The following TSC22D1 variants were observed in gnomAD, a reference collection of about 807,000 sequenced individuals.
TSC22D1 encodes TSC22 domain family protein 1.
Under a neutral mutation model 74.2 loss-of-function variants are expected in TSC22D1, and 9 were observed. The observed-to-expected ratio is 0.12, with a 90% CI of 0.07 to 0.21. TSC22D1 has a LOEUF of 0.21. Ranked by LOEUF, TSC22D1 falls within the 10% of genes least tolerant of loss-of-function variation. TSC22D1 has a pLI of 1.00. For missense variants in TSC22D1, 1,427 were observed against 1,304.7 expected (o/e 1.09, Z -1.44); for synonymous variants, 586 against 492.5 (o/e 1.19, Z -2.51).
intron 1 of TSC22D1, among the ~76,000 whole-genome samples, chr13:44,476,826 G>A (rs1457383975): frequency 6.6e-6 from 1 of 151,968 alleles, no homozygotes; most frequent in Non-Finnish European, 1.5e-5. Flanking sequence ...ACAGGTGCAT[G>A]CCACCAATTT....
intron 1 of TSC22D1, among the ~76,000 whole-genome samples, chr13:44,568,404 C>G (rs1883520303): frequency 6.6e-6 from 1 of 151,996 alleles, no homozygotes; most frequent in Non-Finnish European, 1.5e-5. Context: ...ATAGAGAAAA[C>G]TAGGCAAAGA....
intron 1 of TSC22D1, among the ~76,000 whole-genome samples, chr13:44,545,976 CA>C (rs200824826): frequency 1.2e-4 from 16 of 130,402 alleles, no homozygotes; most frequent in Middle Eastern, 4.0e-3. Flanking sequence ...GACTCCGTCT[CA>C]AAAAAAAAAA....
In TSC22D1 at chr13:44,434,551, G is replaced by A; in HGVS notation, c.*75C>T. 6.8e-7 allele frequency: 1 copy of A among 1,477,474 alleles called. No homozygotes were observed. The highest frequency in any genetic ancestry group is 2.6e-5 in the Admixed American group (1 of 39,194). 91.5% of individuals were successfully genotyped at this position (1,477,474 alleles called of 1,614,324 possible). ...AGCAATGAAATGGGTGACTGTGGAGGCAGATTCTCCCTAGCACATCTTCTC... is the reference window on the plus strand; with the variant it reads ...AGCAATGAAATGGGTGACTGTGGAGACAGATTCTCCCTAGCACATCTTCTC... On this transcript the variant is annotated 3_prime_UTR_variant, in exon 3 of 3. Transcript: ENST00000458659.
chr13:44,542,663 T>A (rs1379620187), intron 1 of TSC22D1, among the ~76,000 whole-genome samples: 2 of 152,072 alleles, frequency 1.3e-5, no homozygotes, highest in African/African-American at 4.8e-5. Context: ...ATAAGCAGAT[T>A]TCTCTAAGTA....
intron 1 of TSC22D1, among the ~76,000 whole-genome samples, chr13:44,533,077 T>C (rs1347908419): frequency 3.3e-5 from 5 of 152,112 alleles, no homozygotes; most frequent in Non-Finnish European, 7.4e-5. Context: ...TTATCTTGCA[T>C]GTAAAATAAG....
intron 1 of TSC22D1, chr13:44,539,842 C>A (rs1243066287): frequency 1.6e-6 from 2 of 1,289,438 alleles, no homozygotes; most frequent in Admixed American, 4.6e-5. Context: ...AAAGTGGACC[C>A]CTGACGTCAA....
At chr13:44,536,851 CAG>C (rs1881154184) in intron 1 of TSC22D1, 3 of 969,558 alleles carry the variant, frequency 3.1e-6, no homozygotes, top group Non-Finnish European at 1.2e-6. Context: ...ACATACAAAA[CAG>C]ATCACCTATT....
chr13:44,550,473 T>C (rs1882160642), intron 1 of TSC22D1, among the ~76,000 whole-genome samples: 1 of 151,666 alleles, frequency 6.6e-6, no homozygotes, highest in Admixed American at 6.6e-5. Flanking sequence ...TCCCAGCTAC[T>C]TGAGGGGCTG....
At chr13:44,453,198 A>G (rs1222783151) in intron 1 of TSC22D1, among the ~76,000 whole-genome samples, 7 of 152,194 alleles carry the variant, frequency 4.6e-5, no homozygotes. Flanking sequence ...TCTGTGCCCC[A>G]AACTGTTCTG....
At chr13:44,538,439 T>C in intron 1 of TSC22D1, 1 of 985,420 alleles carries the variant, frequency 1.0e-6, no homozygotes, top group Non-Finnish European at 1.2e-6. Context: ...ACCATTTCAT[T>C]AAGTTTTCTG....
At chr13:44,561,959 TA>T (rs1405180592) in intron 1 of TSC22D1, among the ~76,000 whole-genome samples, 1 of 152,194 alleles carries the variant, frequency 6.6e-6, no homozygotes, top group African/African-American at 2.4e-5. Context: ...TGCACATACT[TA>T]TTAAATAAAT....
chr13:44,533,195 C>T (rs889303101), intron 1 of TSC22D1, among the ~76,000 whole-genome samples: 3 of 151,964 alleles, frequency 2.0e-5, no homozygotes, highest in Non-Finnish European at 2.9e-5. Flanking sequence ...GCATGATGGC[C>T]GCTGCCTGTA....
intron 1 of TSC22D1, among the ~76,000 whole-genome samples, chr13:44,557,395 A>T (rs1481621356): frequency 6.6e-6 from 1 of 152,222 alleles, no homozygotes; most frequent in African/African-American, 2.4e-5. Context: ...TGCGAGGTGG[A>T]GGTTGCGGTG....
chr13:44,538,098 C>A (rs1305798859), intron 1 of TSC22D1: 1 of 985,172 alleles, frequency 1.0e-6, no homozygotes. Context: ...TTCCTTCACA[C>A]CTACAGGCTT....
At chr13:44,549,337 T>C (rs763948728) in intron 1 of TSC22D1, among the ~76,000 whole-genome samples, 1 of 152,208 alleles carries the variant, frequency 6.6e-6, no homozygotes, top group African/African-American at 2.4e-5. Context: ...CACATCTACT[T>C]ACAAATAAAT....
At chr13:44,555,540 A>G (rs923837025) in intron 1 of TSC22D1, among the ~76,000 whole-genome samples, 4 of 152,170 alleles carry the variant, frequency 2.6e-5, no homozygotes, top group Admixed American at 6.5e-5. Context: ...CACGAGGTGG[A>G]GGTTGCAGTG....
chr13:44,486,717 T>A (rs1709550786), intron 1 of TSC22D1, among the ~76,000 whole-genome samples: 1 of 152,148 alleles, frequency 6.6e-6, no homozygotes. Context: ...CAAATACATT[T>A]AAAAGAATCA....
chr13:44,528,903 A>C (rs550900699), intron 1 of TSC22D1, among the ~76,000 whole-genome samples: 1 of 152,212 alleles, frequency 6.6e-6, no homozygotes, highest in African/African-American at 2.4e-5. Context: ...AAATTCCTTG[A>C]ATAATCTATC....
At chr13:44,509,988 A>G (rs893387870) in intron 1 of TSC22D1, among the ~76,000 whole-genome samples, 1 of 150,936 alleles carries the variant, frequency 6.6e-6, no homozygotes, top group African/African-American at 2.4e-5. Context: ...AAAAAAAAAT[A>G]ACCTGGGCAA....
Sources: allele counts gnomAD v4.1 joint callset (sites outside exome capture counted in the v4.1 genomes callset), GRCh38; gene constraint gnomAD v4.1.1; transcripts MANE v1.5; gene names NCBI Gene and HGNC (gene_info 2026-07-23, HGNC 2026-07-21).